PPARGC1A: variants seen among roughly 807,000 people sequenced by gnomAD.
The protein encoded by PPARGC1A is peroxisome proliferator-activated receptor gamma coactivator 1-alpha.
Under a neutral mutation model 88.7 loss-of-function variants are expected in PPARGC1A, and 25 were observed. That is an observed-to-expected ratio of 0.28 (90% confidence interval 0.21 to 0.39). The LOEUF is 0.39. Ranked by LOEUF, PPARGC1A falls within the 10% of genes least tolerant of loss-of-function variation. PPARGC1A has a pLI of 1.00. For missense variants in PPARGC1A, 880 were observed against 968.7 expected (o/e 0.91, Z 1.22); for synonymous variants, 363 against 355.6 (o/e 1.02, Z -0.24).
At chr4:23,924,075 C>A in the PPARGC1A span, among the ~76,000 whole-genome samples, 1 of 152,140 alleles carries the variant, frequency 6.6e-6, no homozygotes, top group Non-Finnish European at 1.5e-5. Context: ...AGAAATGATA[C>A]CAGGCCATGC....
chr4:24,267,527 C>T, the PPARGC1A span, among the ~76,000 whole-genome samples: 1 of 152,096 alleles, frequency 6.6e-6, no homozygotes, highest in African/African-American at 2.4e-5. Context: ...ACTATCAATC[C>T]GGTGTTGTGT....
the PPARGC1A span, among the ~76,000 whole-genome samples, chr4:24,205,254 A>G: frequency 0.1 from 15,849 of 152,222 alleles, 1,432 homozygotes; most frequent in African/African-American, 0.24. Context: ...GCATCTTAAA[A>G]GCATCACCCA....
chr4:23,936,261 T>C, the PPARGC1A span, among the ~76,000 whole-genome samples: 133 of 152,296 alleles, frequency 8.7e-4, no homozygotes, highest in African/African-American at 3.0e-3. Flanking sequence ...GCATATAACA[T>C]AGGCACTGTT....
chr4:24,284,415 C>T, the PPARGC1A span, among the ~76,000 whole-genome samples: 1 of 152,200 alleles, frequency 6.6e-6, no homozygotes, highest in Admixed American at 6.5e-5. Flanking sequence ...AACTGCAGAA[C>T]CCAAGTTCTT....
At chr4:23,824,144 C>T in intron 7 of PPARGC1A, 136 bp downstream of exon 7, 1 of 687,260 alleles carries the variant, frequency 1.5e-6, no homozygotes, top group South Asian at 2.4e-5. Flanking sequence ...GAAATATTTG[C>T]AGATAACTTC....
chr4:23,899,090 C>G (rs563549814), intron 1 of PPARGC1A, among the ~76,000 whole-genome samples: 15 of 139,936 alleles, frequency 1.1e-4, no homozygotes, highest in South Asian at 4.6e-4. Context: ...TCCACCCCCC[C>G]CCGGCCTTGG....
intron 1 of PPARGC1A, among the ~76,000 whole-genome samples, chr4:23,886,777 C>T (rs754099151): frequency 1.3e-4 from 19 of 150,582 alleles, no homozygotes; most frequent in Non-Finnish European, 2.5e-4. Context: ...AACTTTTCCT[C>T]AATGTCACCA....
At chr4:23,976,025 A>C in the PPARGC1A span, among the ~76,000 whole-genome samples, 1 of 152,220 alleles carries the variant, frequency 6.6e-6, no homozygotes, top group Non-Finnish European at 1.5e-5. Context: ...GATAGCAATG[A>C]GAACAATAAT....
At position 23,846,156 on chromosome 4, in the gene PPARGC1A, T is replaced by G. The variant is rs549567459; in HGVS notation, c.235-14405A>C. On this transcript the variant is annotated intron_variant, in intron 2 of 12. Transcript: ENST00000264867. ...ATGGATCTGGATAAAAATGTAAGAT[T>G]TACAGAACGATGAAAAGGAAAAACA... Among the ~76,000 whole-genome samples the G allele has an allele frequency of 5.3e-5, 8 of 152,288 alleles. No individual in the cohort carries two copies. The South Asian group carries it at 1.7e-3, about 32-fold the overall frequency.
chr4:23,831,937 A>G (rs1725085407), intron 2 of PPARGC1A, among the ~76,000 whole-genome samples, 186 bp from the exon 3 acceptor site: 1 of 152,108 alleles, frequency 6.6e-6, no homozygotes, highest in South Asian at 2.1e-4. Flanking sequence ...CAATTAATGA[A>G]TACCTCTACT....
chr4:24,284,159 C>T, the PPARGC1A span, among the ~76,000 whole-genome samples: 5 of 149,484 alleles, frequency 3.3e-5, no homozygotes, highest in Admixed American at 6.7e-5. Flanking sequence ...ATTAGCTGGG[C>T]GTGGTGGGGC....
At chr4:24,391,542 A>G in the PPARGC1A span, among the ~76,000 whole-genome samples, 6 of 152,186 alleles carry the variant, frequency 3.9e-5, no homozygotes, top group Non-Finnish European at 8.8e-5. Flanking sequence ...AAGAACTACA[A>G]TAATGGTGGT....
chr4:24,113,662 G>A, the PPARGC1A span, among the ~76,000 whole-genome samples: 1 of 152,270 alleles, frequency 6.6e-6, no homozygotes, highest in Non-Finnish European at 1.5e-5. Context: ...GTTTGGGAGA[G>A]GAGCTTCTCT....
At chr4:24,226,338 G>A in the PPARGC1A span, among the ~76,000 whole-genome samples, 1,766 of 152,204 alleles carry the variant, frequency 0.012, 44 homozygotes, top group African/African-American at 0.04. Flanking sequence ...ATAGATGTTC[G>A]CCGTGGAATA....
At chr4:24,161,959 TATACACACACACAC>T in the PPARGC1A span, among the ~76,000 whole-genome samples, 634 of 118,828 alleles carry the variant, frequency 5.3e-3, 5 homozygotes, top group African/African-American at 0.019. Context: ...GAAATTGTGA[TATACACACACACAC>T]ACACACACAC....
At chr4:24,148,393 G>C in the PPARGC1A span, among the ~76,000 whole-genome samples, 5 of 152,198 alleles carry the variant, frequency 3.3e-5, no homozygotes, top group Admixed American at 6.5e-5. Context: ...AGTCCCAGTA[G>C]AATGATCACT....
the PPARGC1A span, among the ~76,000 whole-genome samples, chr4:24,412,773 G>A: frequency 5.3e-5 from 8 of 152,182 alleles, no homozygotes; most frequent in African/African-American, 1.4e-4. Context: ...GAGCCACCGC[G>A]CCCAGCTGGT....
At chr4:24,054,045 T>C in the PPARGC1A span, among the ~76,000 whole-genome samples, 1 of 152,194 alleles carries the variant, frequency 6.6e-6, no homozygotes, top group Non-Finnish European at 1.5e-5. Flanking sequence ...TATAACATTA[T>C]GGCTTCCCTG....
chr4:24,129,922 C>A, the PPARGC1A span, among the ~76,000 whole-genome samples: 2 of 152,084 alleles, frequency 1.3e-5, no homozygotes, highest in Non-Finnish European at 2.9e-5. Context: ...ACCTCATGTT[C>A]TCACTCATAG....
Sources: gnomAD v4.1 joint callset for allele counts (sites outside exome capture counted in the v4.1 genomes callset) on GRCh38, gnomAD v4.1.1 for gene constraint, MANE v1.5 for transcripts, NCBI Gene and HGNC (gene_info 2026-07-23, HGNC 2026-07-21) for gene names.